The following PHLPP2 variants were observed in gnomAD, a reference collection of about 807,000 sequenced individuals.
PHLPP2 encodes the protein PH domain leucine-rich repeat-containing protein phosphatase 2.
PHLPP2 carries 66 observed loss-of-function variants against 124.9 expected under a neutral mutation model. The observed-to-expected ratio is 0.53, with a 90% CI of 0.43 to 0.65. PHLPP2 has a LOEUF of 0.65. PHLPP2 is among the 30% of genes least tolerant of loss of function. The pLI is 0.00. For synonymous variants in PHLPP2, 681 were observed against 624.7 expected (o/e 1.09, Z -1.34); for missense variants, 1,685 against 1,600.4 (o/e 1.05, Z -0.90).
In PHLPP2 at chr16:71,723,934, C is replaced by G. The variant is rs111334255; in HGVS notation, c.-7+395G>C. ...GCGTGCGGAGCCTCGGCGGCGCGCG[C>G]GAGCAACCGGTGGCCCCGCCCCCCG... On this transcript the variant is annotated intron_variant, in intron 1 of 18. Coordinates refer to ENST00000568954, the MANE Select transcript of PHLPP2 (RefSeq NM_015020.3). The G allele has an allele frequency of 3.6e-3, 2,043 of 560,158 alleles. 6 individuals carry two copies. The highest frequency in any genetic ancestry group is 4.3e-3 in the Non-Finnish European group (1,848 of 428,450). 34.7% of individuals were successfully genotyped at this position (560,158 alleles called of 1,614,324 possible). A position where few individuals can be genotyped will look rare whatever the true frequency, so the allele number is the denominator to read the frequency against.
At chr16:71,691,398 T>C (rs1358748668) in intron 3 of PHLPP2, among the ~76,000 whole-genome samples, 2 of 151,504 alleles carry the variant, frequency 1.3e-5, no homozygotes, top group East Asian at 2.0e-4. Context: ...AAGGCAAAGC[T>C]TGCAGTGAGC....
At position 71,681,830 on chromosome 16, in the gene PHLPP2, T is replaced by C. The variant is rs1285003783; in HGVS notation, c.811A>G (p.Ser271Gly). The C allele has an allele frequency of 6.2e-7, 1 of 1,613,818 alleles. No individual in the cohort carries two copies. Among genetic ancestry groups the C allele is most frequent in the Non-Finnish European group, 8.5e-7 (1 of 1,179,912 alleles). Residue 271 changes from serine (S) to glycine (G), a missense_variant, in exon 6 of 19, where the codon AGT (serine) becomes GGT (glycine). Ser to Gly is a moderately conservative substitution (Grantham distance 56). Transcript: ENST00000568954. ...LEEVPEHLFY[S>G]QDITYLNLRH... ...AAGTTGAGGTAGGTAATATCTTGAC[T>C]ATAGAAGAGATGCTCAGGAACCTCC...
intron 1 of PHLPP2, chr16:71,723,846 G>T (rs2145394068): frequency 2.5e-6 from 3 of 1,224,386 alleles, no homozygotes; most frequent in East Asian, 7.1e-5. Flanking sequence ...GGGCCCGCGG[G>T]CCCCGGCTCC....
intron 2 of PHLPP2, among the ~76,000 whole-genome samples, chr16:71,705,497 TTTTTTCTTTTTC>T (rs780469762): frequency 9.2e-5 from 14 of 152,068 alleles, no homozygotes; most frequent in East Asian, 3.9e-4. Context: ...CACATGTCTT[TTTTTTCTTTTTC>T]TTTTTCTTTT....
At chr16:71,701,536 T>A (rs1427461879) in intron 3 of PHLPP2, among the ~76,000 whole-genome samples, 1 of 152,216 alleles carries the variant, frequency 6.6e-6, no homozygotes, top group Non-Finnish European at 1.5e-5. Context: ...ACTGGAAATA[T>A]CCTCTTAAGG....
intron 3 of PHLPP2, among the ~76,000 whole-genome samples, chr16:71,695,473 C>G (rs1385824524): frequency 6.6e-6 from 1 of 152,182 alleles, no homozygotes; most frequent in Non-Finnish European, 1.5e-5. Flanking sequence ...CTTTGGGAGG[C>G]CAAGGCCGTC....
At chr16:71,688,608 GTTTT>G (rs371183298) in intron 4 of PHLPP2, among the ~76,000 whole-genome samples, 1 of 125,700 alleles carries the variant, frequency 8.0e-6, no homozygotes. Context: ...TTCTCTGTGG[GTTTT>G]TTTTTTTTTT....
In PHLPP2 at chr16:71,652,992, C is replaced by T; in HGVS notation, c.2615G>A (p.Gly872Asp). Residue 872 changes from glycine (G) to aspartate (D), a missense_variant, in exon 18 of 19, where the codon GGC becomes GAC. Coordinates refer to ENST00000568954, the MANE Select transcript of PHLPP2 (RefSeq NM_015020.3). ...RKLGMAGQKL[G>D]SSALLCYIRP... ...GATGTAGCACAGGAGAGCGGAGGAG[C>T]CCAACTTCTGGCCAGCCATTCCTAA... 2 of 1,613,266 alleles carry T rather than the reference C, an allele frequency of 1.2e-6. No homozygotes were observed. The highest frequency in any genetic ancestry group is 1.7e-6 in the Non-Finnish European group (2 of 1,179,870).
At chr16:71,721,988 G>A (rs2045401253) in intron 1 of PHLPP2, among the ~76,000 whole-genome samples, 1 of 152,042 alleles carries the variant, frequency 6.6e-6, no homozygotes, top group African/African-American at 2.4e-5. Flanking sequence ...TTTGGTATTA[G>A]GTATAAAAGA....
intron 10 of PHLPP2, among the ~76,000 whole-genome samples, chr16:71,671,862 C>T (rs1036781533): frequency 1.3e-4 from 19 of 151,784 alleles, no homozygotes; most frequent in East Asian, 5.8e-4. Context: ...TGCAGCGAGC[C>T]GAGATCACGC....
At chr16:71,702,923 A>C (rs529795239) in intron 2 of PHLPP2, among the ~76,000 whole-genome samples, 192 bp from the exon 3 acceptor site, 1 of 152,216 alleles carries the variant, frequency 6.6e-6, no homozygotes, top group African/African-American at 2.4e-5. Context: ...GTATTCATTA[A>C]GTAATTTCTC....
At chr16:71,689,308 G>A (rs113055464) in intron 4 of PHLPP2, among the ~76,000 whole-genome samples, 5 of 151,216 alleles carry the variant, frequency 3.3e-5, no homozygotes, top group African/African-American at 1.2e-4. Context: ...TCGAACTCCT[G>A]GGCTCAAGCC....
At chr16:71,667,560 A>G (rs2044850313) in intron 11 of PHLPP2, among the ~76,000 whole-genome samples, 1 of 152,198 alleles carries the variant, frequency 6.6e-6, no homozygotes, top group Admixed American at 6.5e-5. Flanking sequence ...TGAATTAATG[A>G]AGGCAAACAG....
At chr16:71,680,779 C>T (rs1401297846) in intron 6 of PHLPP2, among the ~76,000 whole-genome samples, 1 of 152,176 alleles carries the variant, frequency 6.6e-6, no homozygotes, top group Non-Finnish European at 1.5e-5. Flanking sequence ...ATTCCTTTGG[C>T]TTGGTGCTTT....
intron 3 of PHLPP2, among the ~76,000 whole-genome samples, chr16:71,697,129 C>T (rs1012043995): frequency 6.6e-6 from 1 of 151,554 alleles, no homozygotes; most frequent in East Asian, 1.9e-4. Flanking sequence ...GCTGAGATGG[C>T]ACCACTGCAC....
At chr16:71,699,814 C>G (rs1364114980) in intron 3 of PHLPP2, among the ~76,000 whole-genome samples, 1 of 152,214 alleles carries the variant, frequency 6.6e-6, no homozygotes, top group Non-Finnish European at 1.5e-5. Flanking sequence ...CAGACACCCC[C>G]ACCTGGACGC....
chr16:71,651,053 A>C (rs2044692265), intron 18 of PHLPP2, among the ~76,000 whole-genome samples: 1 of 152,216 alleles, frequency 6.6e-6, no homozygotes, highest in South Asian at 2.1e-4. Context: ...AAAAATCTAA[A>C]CATTGGCCAG....
intron 6 of PHLPP2, among the ~76,000 whole-genome samples, chr16:71,681,016 G>C (rs980282343): frequency 6.6e-6 from 1 of 152,054 alleles, no homozygotes; most frequent in African/African-American, 2.4e-5. Flanking sequence ...CTGGACATTA[G>C]AATTATTAGC....
Position 71,649,305 on chromosome 16 carries a change from A to G in PHLPP2, c.3557T>C (p.Ile1186Thr), listed in dbSNP as rs377288796. ...GRDLENSPPL[I>T]ESSPTLCSEE... ...AGAACACAGGGTAGGAGAACTCTCT[A>G]TGAGAGGGGGTGAGTTCTCCAGATC... is the stretch of plus-strand genomic sequence containing the variant. The change falls in exon 19 of 19, where the codon ATA becomes ACA. Residue 1186 changes from isoleucine (I) to threonine (T), a missense_variant. Physicochemically the swap from Ile to Thr is moderately conservative, Grantham distance 89. Transcript: ENST00000568954. The G allele has an allele frequency of 5.8e-5, 93 of 1,613,774 alleles. No individual in the cohort carries two copies. Among genetic ancestry groups the G allele is most frequent in the Non-Finnish European group, 7.7e-5 (91 of 1,179,878 alleles).
Sources: allele counts gnomAD v4.1 joint callset (sites outside exome capture counted in the v4.1 genomes callset), GRCh38; gene constraint gnomAD v4.1.1; transcripts MANE v1.5; gene names NCBI Gene and HGNC (gene_info 2026-07-23, HGNC 2026-07-21).